Variants in RAPGEF6 observed in about 807,000 individuals in gnomAD.
RAPGEF6 encodes the protein PDZ domain containing guanine nucleotide exchange factor (GEF) 2.
A neutral mutation model predicts 171.4 loss-of-function variants in RAPGEF6; 56 were observed. That is an observed-to-expected ratio of 0.33 (90% confidence interval 0.26 to 0.41). The LOEUF is 0.41. Ranked by LOEUF, RAPGEF6 falls within the 10% of genes least tolerant of loss-of-function variation. The probability of loss-of-function intolerance (pLI) is 1.00; values close to 1 mark genes in which losing one functional copy is unlikely to be tolerated. For synonymous variants in RAPGEF6, 692 were observed against 650.1 expected, an observed-to-expected ratio of 1.06 and a Z score of -0.98; for missense variants, 1,674 against 1,921.4, an observed-to-expected ratio of 0.87 and a Z score of 2.41.
At chr5:131,435,186 GA>G (rs1050362306) in intron 24 of RAPGEF6, among the ~76,000 whole-genome samples, 2 of 152,184 alleles carry the variant, frequency 1.3e-5, no homozygotes, top group African/African-American at 4.8e-5. Context: ...ATTTCAAAGA[GA>G]AAAAGGCCTA....
rs919686111 is a variant in RAPGEF6, at chr5:131,446,401, G to A, written c.3421+82C>T. The A allele has an allele frequency of 2.3e-5, 30 of 1,303,206 alleles. No individual in the cohort carries two copies. In the African/African-American group the frequency reaches 4.5e-4, roughly 19 times the overall value. The allele number at this position is 1,303,206 out of a possible 1,614,324, so 80.7% of individuals were successfully genotyped here. A position where few individuals can be genotyped will look rare whatever the true frequency, so the allele number is the denominator to read the frequency against. ...TTTGTGAGTGAAAGTTAATTTTCTT[G>A]GGACTTAGGTATAATTCTAGAGAAA... On this transcript the variant is annotated intron_variant, in intron 22 of 27. Coordinates refer to ENST00000509018, the MANE Select transcript of RAPGEF6 (RefSeq NM_016340.6).
intron 4 of RAPGEF6, among the ~76,000 whole-genome samples, chr5:131,576,870 T>G (rs1762636479): frequency 6.6e-6 from 1 of 152,138 alleles, no homozygotes; most frequent in African/African-American, 2.4e-5. Flanking sequence ...GAACCTCTCA[T>G]TTCTTTTCCA....
chr5:131,592,490 A>G, intron 3 of RAPGEF6, 24 bp from the exon 4 acceptor site: 4 of 1,606,336 alleles, frequency 2.5e-6, no homozygotes, highest in Non-Finnish European at 3.4e-6. Context: ...TAAGTAAATA[A>G]ATGAGCAAAA....
chr5:131,436,155 A>C (rs1561462448), intron 24 of RAPGEF6: 38 of 1,537,924 alleles, frequency 2.5e-5, no homozygotes, highest in Non-Finnish European at 3.3e-5. Context: ...TCTCCCTTGA[A>C]AGCATTCTTT....
At chr5:131,558,841 GC>G (rs1761411036) in intron 5 of RAPGEF6, among the ~76,000 whole-genome samples, 2 of 151,832 alleles carry the variant, frequency 1.3e-5, no homozygotes, top group African/African-American at 4.8e-5. Flanking sequence ...TTTGAGACTT[GC>G]TTTATGTCCC....
intron 3 of RAPGEF6, among the ~76,000 whole-genome samples, chr5:131,602,288 G>A (rs1040474502): frequency 5.1e-4 from 77 of 152,160 alleles, no homozygotes; most frequent in African/African-American, 1.0e-3. Flanking sequence ...ATACTTGCAC[G>A]GCATGTTACT....
intron 4 of RAPGEF6, 52 bp downstream of exon 4, chr5:131,592,331 A>G (rs527972282): frequency 2.7e-5 from 43 of 1,599,776 alleles, no homozygotes; most frequent in Admixed American, 2.5e-4. Flanking sequence ...TACATCCTAT[A>G]CAAAATAGTT....
At chr5:131,533,859 A>G (rs527569044) in intron 6 of RAPGEF6, among the ~76,000 whole-genome samples, 3 of 152,210 alleles carry the variant, frequency 2.0e-5, no homozygotes, top group East Asian at 3.9e-4. Flanking sequence ...GACTAAAAAA[A>G]ATTGCCCCAT....
chr5:131,529,473 CA>C (rs57223880), intron 6 of RAPGEF6, among the ~76,000 whole-genome samples: 8 of 142,536 alleles, frequency 5.6e-5, no homozygotes, highest in Non-Finnish European at 6.1e-5. Flanking sequence ...GAGACTCTGT[CA>C]AAAAAAAAAA....
rs189634040 is a variant in RAPGEF6 at position 131,499,400 on chromosome 5, G to A, written c.1255-793C>T. On this transcript the variant is annotated intron_variant, in intron 11 of 27. Coordinates refer to ENST00000509018, the MANE Select transcript of RAPGEF6 (RefSeq NM_016340.6). ...GTTCAAGACCAGCCTGGCCAACATG[G>A]TGAAACCCCGTCTCTACTAAAAATA... Among the ~76,000 whole-genome samples the A allele has an allele frequency of 3.3e-5, 5 of 151,990 alleles. No homozygotes were observed. In the East Asian group the frequency reaches 9.7e-4, roughly 29 times the overall value.
chr5:131,548,053 A>G lies in RAPGEF6; in HGVS notation c.489T>C (p.Tyr163=). The G allele has an allele frequency of 1.2e-6, 2 of 1,613,524 alleles. No individual in the cohort carries two copies. Among genetic ancestry groups the G allele is most frequent in the Non-Finnish European group, 8.5e-7 (1 of 1,179,758 alleles). The change falls in exon 6 of 28, where the codon TAT becomes TAC. Residue 163 remains tyrosine (Y), a synonymous_variant. Coordinates refer to ENST00000509018, the MANE Select transcript of RAPGEF6 (RefSeq NM_016340.6). ...TITDDVEVNS[Y]LSLPADLTKM... is the part of the protein sequence containing the mutation. ...TGTTCCTAAATATACTCACAGAAAGATAGCTGTTAACCTCCACATCATCAG... is the reference window on the plus strand; with the variant it reads ...TGTTCCTAAATATACTCACAGAAAGGTAGCTGTTAACCTCCACATCATCAG...
At chr5:131,497,222 G>A (rs1390485667) in intron 12 of RAPGEF6, among the ~76,000 whole-genome samples, 2 of 152,156 alleles carry the variant, frequency 1.3e-5, no homozygotes, top group Non-Finnish European at 2.9e-5. Context: ...AAACTGTGCT[G>A]TCTTTTCGTT....
At chr5:131,596,677 G>T (rs1292808908) in intron 3 of RAPGEF6, among the ~76,000 whole-genome samples, 1 of 152,014 alleles carries the variant, frequency 6.6e-6, no homozygotes, top group African/African-American at 2.4e-5. Flanking sequence ...CTTAGAAAAT[G>T]TATATCTCCT....
rs1196325181 is a variant in RAPGEF6 at position 131,560,659 on chromosome 5, A to T, written c.351+1319T>A. On this transcript the variant is annotated intron_variant, in intron 5 of 27. Coordinates refer to ENST00000509018, the MANE Select transcript of RAPGEF6 (RefSeq NM_016340.6). Reference sequence around the variant, plus strand: ...AAAGAAAATAAATTTGAAACAATACATACTCCATCCTTGAAAAAACTTGAA... The same window carrying T: ...AAAGAAAATAAATTTGAAACAATACTTACTCCATCCTTGAAAAAACTTGAA... Among the ~76,000 whole-genome samples, 4 of 152,330 alleles carry T rather than the reference A, an allele frequency of 2.6e-5. No homozygotes were observed. The East Asian group carries it at 7.7e-4, about 29-fold the overall frequency.
At chr5:131,502,566 A>G (rs1034982028) in intron 11 of RAPGEF6, among the ~76,000 whole-genome samples, 1 of 152,228 alleles carries the variant, frequency 6.6e-6, no homozygotes, top group African/African-American at 2.4e-5. Flanking sequence ...CTATCTGGTC[A>G]TGAGGAAATA....
intron 9 of RAPGEF6, among the ~76,000 whole-genome samples, chr5:131,506,515 A>G (rs1361449738): frequency 6.6e-6 from 1 of 152,232 alleles, no homozygotes; most frequent in Non-Finnish European, 1.5e-5. Flanking sequence ...TATAAGCCTG[A>G]ACCTTCAATA....
chr5:131,508,266 A>C, intron 8 of RAPGEF6, 59 bp from the exon 9 acceptor site: 2 of 1,446,862 alleles, frequency 1.4e-6, no homozygotes, highest in Non-Finnish European at 1.9e-6. Flanking sequence ...TTAAAAATAC[A>C]ACGAAATCTA....
chr5:131,495,332 T>TAAATATAAATAAAAA (rs1189827595), intron 13 of RAPGEF6, among the ~76,000 whole-genome samples: 16 of 148,118 alleles, frequency 1.1e-4, no homozygotes, highest in Admixed American at 5.4e-4. Context: ...AATAAATAAA[T>TAAATATAAATAAAAA]ATAAATAAAA....
intron 6 of RAPGEF6, among the ~76,000 whole-genome samples, chr5:131,538,003 G>A (rs940886937): frequency 6.6e-6 from 1 of 152,104 alleles, no homozygotes; most frequent in Admixed American, 6.6e-5. Flanking sequence ...TGAGGTGAGA[G>A]GATCCCTTGA....
Sources: allele counts gnomAD v4.1 joint callset (sites outside exome capture counted in the v4.1 genomes callset), GRCh38; gene constraint gnomAD v4.1.1; transcripts MANE v1.5; gene names NCBI Gene and HGNC (gene_info 2026-07-23, HGNC 2026-07-21).